The following HHAT variants were observed in gnomAD, a reference collection of about 807,000 sequenced individuals.
HHAT encodes protein-cysteine N-palmitoyltransferase HHAT.
A neutral mutation model predicts 70.8 loss-of-function variants in HHAT; 47 were observed. The ratio of observed to expected loss-of-function variants is 0.66; its 90% confidence interval spans 0.53 to 0.85. The LOEUF (loss-of-function observed/expected upper bound fraction) is 0.85. Ranked by LOEUF, HHAT falls within the 40% of genes least tolerant of loss-of-function variation. The pLI is 0.00. For synonymous variants in HHAT, 228 were observed against 247.6 expected (o/e 0.92, Z 0.74); for missense variants, 609 against 604.8 (o/e 1.01, Z -0.07).
chr1:210,604,726 A>G (rs776125286), intron 10 of HHAT, among the ~76,000 whole-genome samples: 4 of 152,134 alleles, frequency 2.6e-5, no homozygotes, highest in Non-Finnish European at 5.9e-5. Flanking sequence ...TTTATGTTAA[A>G]AATTGAAAGT....
intron 8 of HHAT, among the ~76,000 whole-genome samples, chr1:210,512,499 T>C (rs1456380508): frequency 6.6e-6 from 1 of 151,572 alleles, no homozygotes; most frequent in Non-Finnish European, 1.5e-5. Flanking sequence ...ATATAGACTA[T>C]GTCTCTACTA....
intron 3 of HHAT, chr1:210,374,152 A>G (rs1363083841): frequency 1.3e-5 from 2 of 152,194 alleles, no homozygotes; most frequent in Non-Finnish European, 2.9e-5. Context: ...ATAAAACATG[A>G]TCTGCCTCCC....
At chr1:210,510,227 G>T (rs1288878774) in intron 8 of HHAT, among the ~76,000 whole-genome samples, 1 of 152,134 alleles carries the variant, frequency 6.6e-6, no homozygotes, top group Non-Finnish European at 1.5e-5. Flanking sequence ...GAGGGAATTG[G>T]TTTGGCTGGC....
At chr1:210,445,510 CTGTTGT>C (rs1023029937) in intron 7 of HHAT, among the ~76,000 whole-genome samples, 1 of 152,234 alleles carries the variant, frequency 6.6e-6, no homozygotes, top group East Asian at 1.9e-4. Context: ...AACCAATTCT[CTGTTGT>C]TGATTATTTA....
chr1:210,563,142 G>A (rs958359293), intron 9 of HHAT, among the ~76,000 whole-genome samples: 2 of 152,022 alleles, frequency 1.3e-5, no homozygotes, highest in Non-Finnish European at 2.9e-5. Flanking sequence ...AATGCTTCTG[G>A]GTCAAGTGAT....
intron 7 of HHAT, among the ~76,000 whole-genome samples, chr1:210,435,637 A>AT (rs2093358109): frequency 1.3e-5 from 2 of 151,666 alleles, no homozygotes; most frequent in East Asian, 1.9e-4. Flanking sequence ...AGCATCTGTT[A>AT]TTTTTTTGAT....
rs544791616 is a variant in HHAT, at chr1:210,349,159, T to G, written c.91+93T>G. 13 of 1,326,752 alleles carry G rather than the reference T, an allele frequency of 9.8e-6. No individual in the cohort carries two copies. The Admixed American group carries it at 1.1e-4, about 11-fold the overall frequency. 82.2% of individuals were successfully genotyped at this position (1,326,752 alleles called of 1,614,324 possible). A position where few individuals can be genotyped will look rare whatever the true frequency, so the allele number is the denominator to read the frequency against. ...TGGAAGATTCAAGAAGATGATCCAA[T>G]AGTGTCAAGATGATGTGGGCCTTGA... On this transcript the variant is annotated intron_variant, in intron 2 of 11. Coordinates refer to ENST00000261458, the MANE Select transcript of HHAT (RefSeq NM_018194.6).
chr1:210,505,772 G>C (rs1228765502), intron 8 of HHAT, among the ~76,000 whole-genome samples: 4 of 152,204 alleles, frequency 2.6e-5, no homozygotes, highest in Non-Finnish European at 5.9e-5. Context: ...GGCAAGGATT[G>C]ACAGCTAAAT....
chr1:210,666,523 C>G (rs911957519), intron 11 of HHAT, among the ~76,000 whole-genome samples: 1 of 152,058 alleles, frequency 6.6e-6, no homozygotes, highest in African/African-American at 2.4e-5. Flanking sequence ...CACTCTGTTG[C>G]CCAGGCTAGA....
chr1:210,332,640 G>T (rs1043484631), intron 1 of HHAT, among the ~76,000 whole-genome samples: 3 of 152,206 alleles, frequency 2.0e-5, no homozygotes, highest in African/African-American at 7.2e-5. Context: ...TTGTGCTTAT[G>T]TTTTTTCTTT....
chr1:210,373,779 A>T (rs980255387), intron 3 of HHAT, among the ~76,000 whole-genome samples: 3 of 152,216 alleles, frequency 2.0e-5, no homozygotes, highest in Admixed American at 6.5e-5. Flanking sequence ...GTTACTAGGT[A>T]GATAGATAAT....
intron 11 of HHAT, among the ~76,000 whole-genome samples, chr1:210,643,341 T>C (rs1037886303): frequency 4.6e-5 from 7 of 152,380 alleles, no homozygotes; most frequent in African/African-American, 1.7e-4. Context: ...TTACATTGAA[T>C]GTGTATATAA....
intron 8 of HHAT, among the ~76,000 whole-genome samples, chr1:210,475,717 G>A (rs1212884601): frequency 6.6e-6 from 1 of 152,080 alleles, no homozygotes; most frequent in East Asian, 1.9e-4. Flanking sequence ...AAGCCTTGTG[G>A]CCCAGCCCTT....
intron 10 of HHAT, among the ~76,000 whole-genome samples, chr1:210,593,035 C>T (rs1009175073): frequency 1.3e-4 from 20 of 152,140 alleles, no homozygotes; most frequent in African/African-American, 4.8e-4. Context: ...CCCGCTTCCC[C>T]CACCCCACGA....
chr1:210,636,459 A>G lies in HHAT; in HGVS notation c.1390+12789A>G, dbSNP rs151061224. Among the ~76,000 whole-genome samples, 535 of 152,256 alleles carry G rather than the reference A, an allele frequency of 3.5e-3. 7 individuals carry two copies. Among genetic ancestry groups the G allele is most frequent in the African/African-American group, 0.012 (510 of 41,560 alleles). ...CAGGCTCTGGGATTTTTCTTCTGCT[A>G]TCTTATCCCAAAGGCTGCAGCACAG... On this transcript the variant is annotated intron_variant, in intron 11 of 11. Coordinates refer to ENST00000261458, the MANE Select transcript of HHAT (RefSeq NM_018194.6).
chr1:210,626,998 T>C (rs1432638353), intron 11 of HHAT, among the ~76,000 whole-genome samples: 2 of 152,094 alleles, frequency 1.3e-5, no homozygotes. Context: ...ACTGAGGAAA[T>C]AGAGTGAAGC....
chr1:210,599,728 C>T (rs1270167345), intron 10 of HHAT, among the ~76,000 whole-genome samples: 1 of 152,012 alleles, frequency 6.6e-6, no homozygotes, highest in African/African-American at 2.4e-5. Flanking sequence ...CTTCCACTTC[C>T]TCCCCCTTCC....
intron 2 of HHAT, among the ~76,000 whole-genome samples, chr1:210,358,298 C>G (rs2087871509): frequency 6.6e-6 from 1 of 152,262 alleles, no homozygotes; most frequent in Non-Finnish European, 1.5e-5. Context: ...TGGTGGTCTG[C>G]CCCTGCAGAC....
intron 11 of HHAT, among the ~76,000 whole-genome samples, chr1:210,660,862 A>G (rs1677542989): frequency 6.6e-6 from 1 of 152,236 alleles, no homozygotes; most frequent in African/African-American, 2.4e-5. Context: ...GGCCAGCCAT[A>G]TGTAGAAAGC....
Sources: allele counts gnomAD v4.1 joint callset (sites outside exome capture counted in the v4.1 genomes callset), GRCh38; gene constraint gnomAD v4.1.1; transcripts MANE v1.5; gene names NCBI Gene and HGNC (gene_info 2026-07-23, HGNC 2026-07-21).